The following HYAL4 variants were observed in gnomAD, a reference collection of about 807,000 sequenced individuals.
The protein encoded by HYAL4 is hyaluronidase-4.
A neutral mutation model predicts 35.2 loss-of-function variants in HYAL4; 37 were observed. The ratio of observed to expected loss-of-function variants is 1.05; its 90% CI spans 0.81 to 1.38. HYAL4 has a LOEUF of 1.38. Ranked by LOEUF, HYAL4 falls within the 40% of genes most tolerant of loss-of-function variation. HYAL4 has a pLI of 0.00. For synonymous variants in HYAL4, 198 were observed against 203.2 expected (o/e 0.97, Z 0.22); for missense variants, 572 against 572.4 (o/e 1.00, Z 0.01).
the HYAL4 span, among the ~76,000 whole-genome samples, chr7:123,767,845 A>G: frequency 3.9e-5 from 6 of 152,248 alleles, no homozygotes; most frequent in African/African-American, 1.4e-4. Flanking sequence ...AATGCCAGAT[A>G]CTAAAAAACA....
chr7:123,768,842 C>CT, the HYAL4 span, among the ~76,000 whole-genome samples: 5 of 151,982 alleles, frequency 3.3e-5, no homozygotes, highest in East Asian at 3.9e-4. Context: ...CCATTGGTTA[C>CT]TTTTTTTTGC....
chr7:123,821,083 C>T, the HYAL4 span, among the ~76,000 whole-genome samples: 4 of 152,156 alleles, frequency 2.6e-5, no homozygotes, highest in African/African-American at 9.7e-5. Context: ...CATTTCTTGG[C>T]TATTGTGAAT....
chr7:123,800,333 C>T, the HYAL4 span, among the ~76,000 whole-genome samples: 1 of 150,192 alleles, frequency 6.7e-6, no homozygotes, highest in Non-Finnish European at 1.5e-5. Context: ...CCATGCCCGG[C>T]TAATTTTTTG....
chr7:123,849,892 T>C (rs1331160038), intron 2 of HYAL4, among the ~76,000 whole-genome samples: 2 of 152,172 alleles, frequency 1.3e-5, no homozygotes, highest in Non-Finnish European at 2.9e-5. Flanking sequence ...TGATTCTCTA[T>C]TTCACCTGTT....
upstream of HYAL4, among the ~76,000 whole-genome samples, chr7:123,841,670 A>C (rs1156449318): frequency 6.6e-6 from 1 of 151,718 alleles, no homozygotes; most frequent in Non-Finnish European, 1.5e-5. Flanking sequence ...TCAATTTCAG[A>C]GCCTGTTATT....
At chr7:123,782,005 T>G in the HYAL4 span, among the ~76,000 whole-genome samples, 1 of 152,220 alleles carries the variant, frequency 6.6e-6, no homozygotes, top group South Asian at 2.1e-4. Flanking sequence ...CTCGTGAGGC[T>G]CAAGAAATCC....
At chr7:123,795,533 T>C in the HYAL4 span, among the ~76,000 whole-genome samples, 1 of 152,176 alleles carries the variant, frequency 6.6e-6, no homozygotes, top group Non-Finnish European at 1.5e-5. Flanking sequence ...GTTCTTCTCA[T>C]GATAGTGAGT....
chr7:123,842,207 C>T (rs962647455), upstream of HYAL4, among the ~76,000 whole-genome samples: 1 of 152,032 alleles, frequency 6.6e-6, no homozygotes, highest in Non-Finnish European at 1.5e-5. Context: ...TCTTTATTCT[C>T]ATTGGTTTAA....
intron 2 of HYAL4, among the ~76,000 whole-genome samples, chr7:123,853,811 C>G (rs1249800621): frequency 3.9e-5 from 6 of 152,124 alleles, no homozygotes; most frequent in Middle Eastern, 3.2e-3. Context: ...GGTACCAGCT[C>G]CTCTTTGTAC....
chr7:123,846,730 C>G (rs1806182182), intron 1 of HYAL4, among the ~76,000 whole-genome samples: 1 of 152,070 alleles, frequency 6.6e-6, no homozygotes, highest in African/African-American at 2.4e-5. Context: ...TGGTCTTTTC[C>G]AAATACCTCT....
rs949476274 is a variant in HYAL4, at chr7:123,868,328, C to G, written c.55C>G (p.Leu19Val). 1.3e-6 allele frequency: 2 copies of G among 1,592,814 alleles called. No individual in the cohort carries two copies. Among genetic ancestry groups the G allele is most frequent in the Non-Finnish European group, 1.7e-6 (2 of 1,174,152 alleles). ...GCTTTGTGTTGTTCAACCAGTACATCTCACTTCATGGCTCCTTATATTTTT... is the reference window on the plus strand; with the variant it reads ...GCTTTGTGTTGTTCAACCAGTACATGTCACTTCATGGCTCCTTATATTTTT... ...LKLCVVQPVH[L>V]TSWLLIFFIL... is the part of the protein sequence containing the mutation. Residue 19 changes from leucine (L) to valine (V), a missense_variant, in exon 3 of 5, where the codon CTC (leucine) becomes GTC (valine). Transcript: ENST00000223026.
chr7:123,763,920 C>A, the HYAL4 span, among the ~76,000 whole-genome samples: 38,804 of 152,140 alleles, frequency 0.26, 5,254 homozygotes, highest in Middle Eastern at 0.35. Flanking sequence ...ATTCCCTCTC[C>A]TTGGAATGTC....
chr7:123,846,367 T>C (rs1397625712), intron 1 of HYAL4, among the ~76,000 whole-genome samples: 3 of 152,020 alleles, frequency 2.0e-5, no homozygotes, highest in Non-Finnish European at 4.4e-5. Flanking sequence ...AATGGTGTTA[T>C]ATTCCCAGGA....
In HYAL4 at chr7:123,876,829, G is replaced by A; in HGVS notation, c.1120G>A (p.Glu374Lys). Residue 374 changes from glutamate to lysine, a missense_variant, in exon 5 of 5, where the codon GAG (glutamate) becomes AAG (lysine). Coordinates refer to ENST00000223026, the MANE Select transcript of HYAL4 (RefSeq NM_012269.3). ...SYIANVTRAA[E>K]VCSLHLCRNN... ...CATAGCCAATGTGACCAGAGCTGCTGAGGTATGCAGCCTTCACCTCTGCAG... is the reference window on the plus strand; with the variant it reads ...CATAGCCAATGTGACCAGAGCTGCTAAGGTATGCAGCCTTCACCTCTGCAG... The A allele has an allele frequency of 6.2e-7, 1 of 1,614,174 alleles. No homozygotes were observed. Among genetic ancestry groups the A allele is most frequent in the African/African-American group, 1.3e-5 (1 of 75,052 alleles).
At chr7:123,841,282 G>T (rs1806054663), upstream of HYAL4, among the ~76,000 whole-genome samples, 1 of 151,868 alleles carries the variant, frequency 6.6e-6, no homozygotes. Context: ...TTATGTGATG[G>T]TTATGTTTAT....
the HYAL4 span, chr7:123,814,273 G>GTA: frequency 6.5e-6 from 1 of 152,686 alleles, no homozygotes; most frequent in Admixed American, 6.5e-5. Flanking sequence ...CCCCAACAAT[G>GTA]TATTGTATGC....
At chr7:123,768,110 AG>A in the HYAL4 span, among the ~76,000 whole-genome samples, 1 of 152,222 alleles carries the variant, frequency 6.6e-6, no homozygotes, top group Admixed American at 6.5e-5. Flanking sequence ...AAAAAATGTA[AG>A]ATTAAGATTA....
At chr7:123,876,687 A>G in intron 4 of HYAL4, 67 bp from the exon 5 acceptor site, 2 of 1,506,936 alleles carry the variant, frequency 1.3e-6, no homozygotes, top group East Asian at 2.3e-5. Flanking sequence ...GAAACACTAA[A>G]ATCGATTTCT....
At chr7:123,875,650 C>T (rs1806995491) in intron 4 of HYAL4, among the ~76,000 whole-genome samples, 1 of 145,770 alleles carries the variant, frequency 6.9e-6, no homozygotes, top group Admixed American at 6.9e-5. Flanking sequence ...GAGTGAGACT[C>T]CATCTCAAAA....
Sources: gnomAD v4.1 joint callset for allele counts (sites outside exome capture counted in the v4.1 genomes callset) on GRCh38, gnomAD v4.1.1 for gene constraint, MANE v1.5 for transcripts, NCBI Gene and HGNC (gene_info 2026-07-23, HGNC 2026-07-21) for gene names.